EVI5L: variants seen among roughly 807,000 people sequenced by gnomAD.
The protein encoded by EVI5L is ecotropic viral integration site 5 like.
Under a neutral mutation model 106.1 loss-of-function variants are expected in EVI5L, and 30 were observed. The ratio of observed to expected loss-of-function variants is 0.28; its 90% confidence interval spans 0.21 to 0.38. The LOEUF is 0.38. EVI5L is among the 10% of genes least tolerant of loss of function. The probability of loss-of-function intolerance (pLI) is 1.00; values close to 1 mark genes in which losing one functional copy is unlikely to be tolerated. For synonymous variants in EVI5L, 489 were observed against 483.3 expected, an observed-to-expected ratio of 1.01 and a Z score of -0.15; for missense variants, 809 against 1,098.0, an observed-to-expected ratio of 0.74 and a Z score of 3.72.
Position 7,863,252 on chromosome 19 carries a change from A to T in EVI5L, c.2111A>T (p.Lys704Met). The change falls in exon 19 of 20, where the codon AAG (lysine) becomes ATG (methionine). Residue 704 changes from lysine (K) to methionine (M), a missense_variant. Around this residue, in one of 2 missense-constraint regions of EVI5L, gnomAD observed 452 missense variants for 509.9 expected, o/e 0.89. Transcript: ENST00000538904. The surrounding 1 kb of genome is among the most constrained non-coding windows in gnomAD (Gnocchi z 7.7). Reference sequence around the variant, plus strand: ...TCATCGCAGTACATCCGCGAGCTCAAGGACCAGATCGAGGAGCTGAAGGCC... The same window carrying T: ...TCATCGCAGTACATCCGCGAGCTCATGGACCAGATCGAGGAGCTGAAGGCC... ...SDSSQYIREL[K>M]DQIEELKAEV... The T allele has an allele frequency of 6.4e-7, 1 of 1,560,404 alleles. No homozygotes were observed. Among genetic ancestry groups the T allele is most frequent in the Non-Finnish European group, 8.7e-7 (1 of 1,152,386 alleles).
chr19:7,847,727 C>T lies in EVI5L; in HGVS notation c.138-5C>T, dbSNP rs1599568267. On this transcript the variant is annotated splice_polypyrimidine_tract_variant and splice_region_variant and intron_variant, in intron 2 of 19. Coordinates refer to ENST00000538904, the MANE Select transcript of EVI5L (RefSeq NM_001159944.3). ...GGTTCCCCTCTGTCGGCCCTTCCTG[C>T]CCAGGCTCCTGGAGGCCGACTCCAA... The T allele has an allele frequency of 6.2e-7, 1 of 1,610,226 alleles. No homozygotes were observed. Among genetic ancestry groups the T allele is most frequent in the Non-Finnish European group, 8.5e-7 (1 of 1,178,988 alleles).
rs1568232516 is a variant in EVI5L, at chr19:7,838,091, G to GTTCA, written c.-48+7712_-48+7713insCATT. Among the ~76,000 whole-genome samples the GTTCA allele has an allele frequency of 2.1e-3, 310 of 150,064 alleles. 1 individual carries two copies. The highest frequency in any genetic ancestry group is 5.6e-3 in the African/African-American group (228 of 40,932). ...GTCTGGTGTGTTTATTTTTTTTTTG[G>GTTCA]TTGGTTTTTTTTTGTTTTGTTTTGT... On this transcript the variant is annotated intron_variant, in intron 1 of 19. Transcript: ENST00000538904.
chr19:7,843,158 G>T (rs1424701505), intron 1 of EVI5L, among the ~76,000 whole-genome samples: 5 of 145,550 alleles, frequency 3.4e-5, no homozygotes. Context: ...GAGCGAATAG[G>T]CATGGGTGTG....
At chr19:7,853,390 T>C (rs1979359130) in intron 10 of EVI5L, 57 bp downstream of exon 10, 75 of 1,568,626 alleles carry the variant, frequency 4.8e-5, no homozygotes, top group Non-Finnish European at 6.3e-5. Flanking sequence ...GGGGCTGCCC[T>C]CCGTACTCTA....
chr19:7,862,928 G>C, intron 17 of EVI5L, 44 bp from the exon 18 acceptor site: 1 of 1,276,558 alleles, frequency 7.8e-7, no homozygotes, highest in Non-Finnish European at 1.1e-6. Context: ...GATGCGCCGC[G>C]CCCCCTGACC....
Position 7,847,766 on chromosome 19 carries a change from A to G in EVI5L, c.172A>G (p.Met58Val). Residue 58 changes from methionine (M) to valine (V), a missense_variant, in exon 3 of 20, where the codon ATG becomes GTG. This residue lies in a region of EVI5L where 357 missense variants were observed against 588.1 expected (regional missense o/e 0.61). Coordinates refer to ENST00000538904, the MANE Select transcript of EVI5L (RefSeq NM_001159944.3). ...GGCCGACTCCAAGTCCATGCGCTCC[A>G]TGAATGGCTCGCGGCGGAACAGTGG... ...LEADSKSMRSMNGSRRNSGSS... is the reference protein window; with the variant it reads ...LEADSKSMRSVNGSRRNSGSS... The G allele has an allele frequency of 6.2e-7, 1 of 1,613,554 alleles. No homozygotes were observed. Among genetic ancestry groups the G allele is most frequent in the South Asian group, 1.1e-5 (1 of 91,050 alleles).
chr19:7,832,267 G>A (rs1022836468), intron 1 of EVI5L, among the ~76,000 whole-genome samples: 4 of 152,214 alleles, frequency 2.6e-5, no homozygotes, highest in South Asian at 4.1e-4. Context: ...AGATGCTGGC[G>A]CGACACTGTG....
At position 7,857,746 on chromosome 19, in the gene EVI5L, C is replaced by G. The variant is rs1419381949; in HGVS notation, c.1234-445C>G. ...TCCAGGCAGGTGGAGGCCCCAGAGCCCAGGACTAGAGAAGATGCCGCTGGG... is the reference window on the plus strand; with the variant it reads ...TCCAGGCAGGTGGAGGCCCCAGAGCGCAGGACTAGAGAAGATGCCGCTGGG... On this transcript the variant is annotated intron_variant, in intron 12 of 19. Coordinates refer to ENST00000538904, the MANE Select transcript of EVI5L (RefSeq NM_001159944.3). This position sits in a 1 kb window ranked among gnomAD's most constrained non-coding sequence, Gnocchi z 4.5. 1.1e-5 allele frequency: 2 copies of G among 189,580 alleles called. No homozygotes were observed. The highest frequency in any genetic ancestry group is 2.2e-5 in the Non-Finnish European group (2 of 91,458). The allele number at this position is 189,580 out of a possible 1,614,324, so 11.7% of individuals were successfully genotyped here. A position where few individuals can be genotyped will look rare whatever the true frequency, so the allele number is the denominator to read the frequency against.
chr19:7,862,098 C>G (rs770408882), intron 15 of EVI5L, 24 bp from the exon 16 acceptor site: 2 of 1,552,794 alleles, frequency 1.3e-6, no homozygotes, highest in Non-Finnish European at 8.7e-7. Context: ...GGCTGACCGC[C>G]GGCTTCTCGG....
Position 7,858,300 on chromosome 19 carries a change from A to G in EVI5L, c.1343A>G (p.Gln448Arg), listed in dbSNP as rs1051622158. The G allele has an allele frequency of 1.4e-5, 21 of 1,549,574 alleles. No homozygotes were observed. The highest frequency in any genetic ancestry group is 1.7e-5 in the Non-Finnish European group (20 of 1,147,288). ...GCGGCCGAGGACCTGCAGAAGGCAC[A>G]GAGCACCATCCGGCAGCTACAGGAG... is the stretch of plus-strand genomic sequence containing the variant. ...SSAAEDLQKA[Q>R]STIRQLQEQQ... Residue 448 changes from glutamine (Q) to arginine (R), a missense_variant, in exon 13 of 20, where the codon CAG becomes CGG. Transcript: ENST00000538904. This position sits in a 1 kb window ranked among gnomAD's most constrained non-coding sequence, Gnocchi z 5.7.
Position 7,863,492 on chromosome 19 carries a change from G to C in EVI5L, c.2208G>C (p.Arg736=). The change falls in exon 20 of 20, where the codon CGG becomes CGC. Residue 736 remains arginine (R), a synonymous_variant. Transcript: ENST00000538904. The surrounding 1 kb of genome is among the most constrained non-coding windows in gnomAD (Gnocchi z 7.7). ...CTTTCGATGGGCTGAGCCTGGCGCG[G>C]CACTTGGACGAGGACTCGCTGCCGT... ...PLAFDGLSLA[R]HLDEDSLPSS... 1 of 1,580,754 alleles carries C rather than the reference G, an allele frequency of 6.3e-7. No individual in the cohort carries two copies. Among genetic ancestry groups the C allele is most frequent in the Non-Finnish European group, 8.6e-7 (1 of 1,164,530 alleles).
chr19:7,862,603 C>CGA (rs1979873630), intron 17 of EVI5L, 69 bp downstream of exon 17: 1 of 1,282,912 alleles, frequency 7.8e-7, no homozygotes, highest in African/African-American at 1.6e-5. Flanking sequence ...TGAGGCCCCG[C>CGA]CCCCAATCCG....
rs889087300 is a variant in EVI5L at position 7,857,268 on chromosome 19, G to A, written c.1233+144G>A. 10 of 1,157,646 alleles carry A rather than the reference G, an allele frequency of 8.6e-6. No homozygotes were observed. Among genetic ancestry groups the A allele is most frequent in the Admixed American group, 2.0e-5 (1 of 49,362 alleles). 71.7% of individuals were successfully genotyped at this position (1,157,646 alleles called of 1,614,324 possible). On this transcript the variant is annotated intron_variant, in intron 12 of 19. Transcript: ENST00000538904. The surrounding 1 kb of genome is among the most constrained non-coding windows in gnomAD (Gnocchi z 4.5). ...ATGGAGCAGCTGGGGACCGCTTCTG[G>A]GGGACACAGAGGCTTCCCGGGGGGG...
At chr19:7,839,982 G>C (rs1343068659) in intron 1 of EVI5L, among the ~76,000 whole-genome samples, 1 of 152,132 alleles carries the variant, frequency 6.6e-6, no homozygotes, top group Admixed American at 6.5e-5. Context: ...GTGGGATGTG[G>C]GTGGTAGACT....
At chr19:7,838,087 T>TC (rs1978426557) in intron 1 of EVI5L, among the ~76,000 whole-genome samples, 1 of 150,784 alleles carries the variant, frequency 6.6e-6, no homozygotes, top group East Asian at 2.0e-4. Flanking sequence ...TTATTTTTTT[T>TC]TTGGTTGGTT....
rs1978899718 is a variant in EVI5L, at chr19:7,845,188, G to A, written c.-47-1308G>A. On this transcript the variant is annotated intron_variant, in intron 1 of 19. Coordinates refer to ENST00000538904, the MANE Select transcript of EVI5L (RefSeq NM_001159944.3). The surrounding 1 kb of genome is among the most constrained non-coding windows in gnomAD (Gnocchi z 4.0). ...CTGCTACAGAGCGTGCCGGGCAGTG[G>A]GCGGGCATGAGGAGCCGTGCAAATA... Among the ~76,000 whole-genome samples, 1 of 152,166 alleles carries A rather than the reference G, an allele frequency of 6.6e-6. No homozygotes were observed.
chr19:7,858,257 C>A lies in EVI5L; in HGVS notation c.1300C>A (p.Arg434=), dbSNP rs770916086. The A allele has an allele frequency of 6.4e-7, 1 of 1,559,072 alleles. No individual in the cohort carries two copies. The highest frequency in any genetic ancestry group is 8.7e-7 in the Non-Finnish European group (1 of 1,151,782). ...YVIKRELAVV[R]QQCSSAAEDL... is the part of the protein sequence containing the mutation. ...CATCAAGCGGGAGCTGGCGGTGGTG[C>A]GGCAGCAGTGCAGCTCGGCGGCCGA... The change falls in exon 13 of 20, where the codon CGG becomes AGG. Residue 434 remains arginine (R), a synonymous_variant. Coordinates refer to ENST00000538904, the MANE Select transcript of EVI5L (RefSeq NM_001159944.3). The surrounding 1 kb of genome is among the most constrained non-coding windows in gnomAD (Gnocchi z 5.7).
At chr19:7,838,700 G>A (rs1034268525) in intron 1 of EVI5L, among the ~76,000 whole-genome samples, 1 of 152,160 alleles carries the variant, frequency 6.6e-6, no homozygotes, top group African/African-American at 2.4e-5. Flanking sequence ...GGGCAGGCAG[G>A]CAGGCAGGTT....
chr19:7,858,620 A>G lies in EVI5L; in HGVS notation c.1374+289A>G. ...CCTCTGAAGACCGGGCTGTCCCTGC[A>G]GGGTTTCCTCTGTGTCACAGGCAGC... On this transcript the variant is annotated intron_variant, in intron 13 of 19. Transcript: ENST00000538904. This position sits in a 1 kb window ranked among gnomAD's most constrained non-coding sequence, Gnocchi z 5.7. 1 of 464,258 alleles carries G rather than the reference A, an allele frequency of 2.2e-6. No individual in the cohort carries two copies. The allele number at this position is 464,258 out of a possible 1,614,324, so 28.8% of individuals were successfully genotyped here.
Sources: gnomAD v4.1 joint callset for allele counts (sites outside exome capture counted in the v4.1 genomes callset) on GRCh38, gnomAD v4.1.1 for gene constraint, gnomAD v4.1.1 regional missense constraint, Gnocchi (gnomAD v3.1) non-coding constraint, MANE v1.5 for transcripts, NCBI Gene and HGNC (gene_info 2026-07-23, HGNC 2026-07-21) for gene names.